Variants in KDM5B observed in about 807,000 individuals in gnomAD.
KDM5B encodes the protein lysine demethylase 5B.
A neutral mutation model predicts 193.4 loss-of-function variants in KDM5B; 144 were observed. The observed-to-expected ratio is 0.74, with a 90% confidence interval of 0.65 to 0.86. KDM5B has a LOEUF of 0.86. KDM5B is among the 40% of genes least tolerant of loss of function. The pLI, the probability that KDM5B is intolerant of heterozygous loss-of-function variation, is 0.00. For missense variants in KDM5B, 1,833 were observed against 1,886.9 expected (o/e 0.97, Z 0.53); for synonymous variants, 668 against 682.6 (o/e 0.98, Z 0.33).
chr1:202,768,638 T>C (rs1027041060), intron 4 of KDM5B, among the ~76,000 whole-genome samples: 4 of 151,964 alleles, frequency 2.6e-5, no homozygotes, highest in Non-Finnish European at 5.9e-5. Context: ...CCACTGGTAA[T>C]AGCGCTCTAT....
intron 1 of KDM5B, among the ~76,000 whole-genome samples, chr1:202,804,101 A>T (rs1190388746): frequency 6.6e-6 from 1 of 152,122 alleles, no homozygotes; most frequent in Non-Finnish European, 1.5e-5. Context: ...AGGAAAAAAA[A>T]AGTAGTTACA....
chr1:202,760,616 AT>A, intron 7 of KDM5B, 43 bp from the exon 8 acceptor site: 1 of 1,432,342 alleles, frequency 7.0e-7, no homozygotes. Context: ...AACATGAGCT[AT>A]TATTTGATTT....
intron 3 of KDM5B, among the ~76,000 whole-genome samples, chr1:202,774,282 T>C (rs915834181): frequency 6.6e-6 from 1 of 152,170 alleles, no homozygotes; most frequent in African/African-American, 2.4e-5. Flanking sequence ...TCTCGCTCAG[T>C]TACCCAGGCT....
At chr1:202,738,765 C>A (rs1311178627) in intron 20 of KDM5B, among the ~76,000 whole-genome samples, 1 of 152,140 alleles carries the variant, frequency 6.6e-6, no homozygotes, top group Non-Finnish European at 1.5e-5. Context: ...CATCCCCCAT[C>A]AAACACGTTT....
intron 16 of KDM5B, 78 bp from the exon 17 acceptor site, chr1:202,742,883 G>A (rs1218446560): frequency 2.5e-6 from 3 of 1,178,914 alleles, no homozygotes; most frequent in Non-Finnish European, 3.6e-6. Flanking sequence ...GAGGAGACTG[G>A]TTTTGTCAGT....
At chr1:202,739,440 T>C (rs761677414) in intron 20 of KDM5B, among the ~76,000 whole-genome samples, 2 of 140,390 alleles carry the variant, frequency 1.4e-5, no homozygotes, top group Non-Finnish European at 3.3e-5. Context: ...CCAATATTGC[T>C]CTTTTTTTTT....
intron 1 of KDM5B, among the ~76,000 whole-genome samples, chr1:202,801,514 T>A (rs1465738701): frequency 6.6e-6 from 1 of 152,204 alleles, no homozygotes; most frequent in Non-Finnish European, 1.5e-5. Flanking sequence ...TTAATCTGGT[T>A]CATAAACTTG....
intron 7 of KDM5B, among the ~76,000 whole-genome samples, chr1:202,761,791 T>G (rs1219266473): frequency 6.6e-6 from 1 of 152,162 alleles, no homozygotes; most frequent in Non-Finnish European, 1.5e-5. Context: ...AAAATAAATT[T>G]CTGTTGTTTA....
chr1:202,738,690 A>G (rs1259218736), intron 20 of KDM5B, among the ~76,000 whole-genome samples: 1 of 152,148 alleles, frequency 6.6e-6, no homozygotes, highest in African/African-American at 2.4e-5. Flanking sequence ...AGAACTTGAG[A>G]CTTTTTTTTT....
Position 202,808,334 on chromosome 1 carries a change from A to AGGT in KDM5B, c.-32_-30dup, listed in dbSNP as rs1184003661. ...CGCAGGCTGGGCAAGGGCGAGGCGA[A>AGGT]GGTGGGCTCCGGGACCGAGGCTGCG... is the stretch of plus-strand genomic sequence containing the variant. On this transcript the variant is annotated 5_prime_UTR_variant, in exon 1 of 27. Transcript: ENST00000367265. 6.5e-7 allele frequency: 1 copy of AGGT among 1,543,600 alleles called. No individual in the cohort carries two copies. The highest frequency in any genetic ancestry group is 8.7e-7 in the Non-Finnish European group (1 of 1,148,580).
rs1410636612 is a variant in KDM5B at position 202,728,236 on chromosome 1, T to C, written c.*800A>G. 4 of 152,452 alleles carry C rather than the reference T, an allele frequency of 2.6e-5. No homozygotes were observed. Among genetic ancestry groups the C allele is most frequent in the Non-Finnish European group, 4.4e-5 (3 of 68,050 alleles). 9.4% of individuals were successfully genotyped at this position (152,452 alleles called of 1,614,324 possible). ...GAAGGATTTATTCCACAATATAAAC[T>C]GTAACATTTGATACAAGCTACCAAA... On this transcript the variant is annotated 3_prime_UTR_variant, in exon 27 of 27. Coordinates refer to ENST00000367265, the MANE Select transcript of KDM5B (RefSeq NM_006618.5).
At position 202,742,808 on chromosome 1, in the gene KDM5B, A is replaced by G; in HGVS notation, c.2324-3T>C. 4 of 1,611,086 alleles carry G rather than the reference A, an allele frequency of 2.5e-6. No homozygotes were observed. The highest frequency in any genetic ancestry group is 3.4e-6 in the Non-Finnish European group (4 of 1,178,788). Reference sequence around the variant, plus strand: ...TAAAGCCTTGAAGCTGACAAGGCCTAGGAATGAAGAAAAAAGTCATATTTT... The same window carrying G: ...TAAAGCCTTGAAGCTGACAAGGCCTGGGAATGAAGAAAAAAGTCATATTTT... On this transcript the variant is annotated splice_polypyrimidine_tract_variant and splice_region_variant and intron_variant, in intron 16 of 26. Coordinates refer to ENST00000367265, the MANE Select transcript of KDM5B (RefSeq NM_006618.5).
intron 1 of KDM5B, among the ~76,000 whole-genome samples, chr1:202,791,139 G>A (rs916735687): frequency 6.6e-6 from 1 of 152,200 alleles, no homozygotes; most frequent in Non-Finnish European, 1.5e-5. Flanking sequence ...TGTGACTGTA[G>A]TAGCGCTGGT....
chr1:202,748,997 A>G lies in KDM5B; in HGVS notation c.1964T>C (p.Met655Thr). Residue 655 changes from methionine to threonine, a missense_variant, in exon 14 of 27, where the codon ATG becomes ACG. By Grantham distance (81) the Met-to-Thr change is moderately conservative. Transcript: ENST00000367265. The part of the protein sequence containing the change: ...VVVASTVQKD[M>T]AIMIEDEKAL... ...TTTCTCATCCTCAATCATAATGGCC[A>G]TGTCTTTCTGAACAGTTGAAGCCAC... 2 of 1,614,022 alleles carry G rather than the reference A, an allele frequency of 1.2e-6. No homozygotes were observed. Among genetic ancestry groups the G allele is most frequent in the South Asian group, 2.2e-5 (2 of 91,024 alleles).
At chr1:202,777,162 A>G (rs1656990814) in intron 1 of KDM5B, 68 bp from the exon 2 acceptor site, 1 of 1,227,300 alleles carries the variant, frequency 8.1e-7, no homozygotes, top group Admixed American at 1.7e-5. Flanking sequence ...TTTGTTTTAA[A>G]ATTAAAACCC....
At chr1:202,780,788 TAAAAAAA>T (rs11412721) in intron 1 of KDM5B, among the ~76,000 whole-genome samples, 1 of 129,266 alleles carries the variant, frequency 7.7e-6, no homozygotes, top group East Asian at 2.2e-4. Flanking sequence ...TTGCCATTAC[TAAAAAAA>T]AAAAAAAAAA....
At chr1:202,758,773 G>T (rs190100740) in intron 8 of KDM5B, 2 of 271,986 alleles carry the variant, frequency 7.4e-6, no homozygotes, top group Admixed American at 9.9e-5. Context: ...TTTATAAGAG[G>T]CAGGCTAAAG....
At chr1:202,780,145 A>G (rs889630574) in intron 1 of KDM5B, among the ~76,000 whole-genome samples, 2 of 152,120 alleles carry the variant, frequency 1.3e-5, no homozygotes, top group Non-Finnish European at 2.9e-5. Context: ...TTAACAGCGC[A>G]TGCCTTGTGA....
At chr1:202,739,800 C>T (rs1385126686) in intron 20 of KDM5B, among the ~76,000 whole-genome samples, 1 of 152,192 alleles carries the variant, frequency 6.6e-6, no homozygotes, top group Non-Finnish European at 1.5e-5. Context: ...GGTAAGGTCA[C>T]CGATCAACAG....
Sources: gnomAD v4.1 joint callset for allele counts (sites outside exome capture counted in the v4.1 genomes callset) on GRCh38, gnomAD v4.1.1 for gene constraint, MANE v1.5 for transcripts, NCBI Gene and HGNC (gene_info 2026-07-23, HGNC 2026-07-21) for gene names.